Variants in NCALD observed in about 807,000 individuals in gnomAD.
NCALD encodes neurocalcin delta.
In NCALD, 10 loss-of-function variants were observed where a neutral mutation model predicts 18.6. The ratio of observed to expected loss-of-function variants is 0.54; its 90% CI spans 0.33 to 0.91. The LOEUF is 0.91. NCALD is among the 40% of genes least tolerant of loss of function. The pLI, the probability that NCALD is intolerant of heterozygous loss-of-function variation, is 0.03. For missense variants in NCALD, 184 were observed against 247.6 expected (o/e 0.74, Z 1.72); for synonymous variants, 88 against 87.4 (o/e 1.01, Z -0.04).
intron 2 of NCALD, among the ~76,000 whole-genome samples, chr8:101,711,669 C>T (rs1815800062): frequency 6.6e-6 from 1 of 151,588 alleles, no homozygotes; most frequent in Non-Finnish European, 1.5e-5. Context: ...GAAAGGGTAT[C>T]AGAGATTAAG....
intron 4 of NCALD, among the ~76,000 whole-genome samples, chr8:101,864,625 CCTTTTCTTGCCCAGG>C (rs1815688960): frequency 7.1e-6 from 1 of 141,300 alleles, no homozygotes; most frequent in Admixed American, 7.5e-5. Flanking sequence ...ACGGAGTTTC[CCTTTTCTTGCCCAGG>C]CTGGAGTGCA....
intron 2 of NCALD, among the ~76,000 whole-genome samples, chr8:101,941,532 C>T (rs1818956611): frequency 6.6e-6 from 1 of 152,220 alleles, no homozygotes; most frequent in South Asian, 2.1e-4. Context: ...AACATTCATT[C>T]ATTCACTATA....
At chr8:101,924,809 TCTA>T (rs1818281567) in intron 2 of NCALD, among the ~76,000 whole-genome samples, 1 of 152,246 alleles carries the variant, frequency 6.6e-6, no homozygotes, top group South Asian at 2.1e-4. Flanking sequence ...TGTCTTGTTG[TCTA>T]CTTTTAGATT....
At chr8:101,705,721 T>C (rs1401638202) in intron 2 of NCALD, among the ~76,000 whole-genome samples, 1 of 152,138 alleles carries the variant, frequency 6.6e-6, no homozygotes, top group Non-Finnish European at 1.5e-5. Flanking sequence ...GTGAGGAGTC[T>C]GGCCACCCCA....
intron 1 of NCALD, among the ~76,000 whole-genome samples, chr8:101,761,965 G>T (rs1486743437): frequency 6.6e-6 from 1 of 152,186 alleles, no homozygotes; most frequent in Non-Finnish European, 1.5e-5. Flanking sequence ...ACATAGTAGG[G>T]AATGGTGGAG....
chr8:101,705,632 A>G (rs975178516), intron 2 of NCALD, among the ~76,000 whole-genome samples: 3 of 152,156 alleles, frequency 2.0e-5, no homozygotes, highest in East Asian at 1.9e-4. Flanking sequence ...TGACCTCCAA[A>G]GTCAGATCAT....
Position 101,689,744 on chromosome 8 carries a change from T to C in NCALD, c.485-338A>G, listed in dbSNP as rs7010161. Among the ~76,000 whole-genome samples, 33,589 of 152,130 alleles carry C rather than the reference T, an allele frequency of 0.22. 4,127 individuals are homozygous for C. Among genetic ancestry groups the C allele is most frequent in the Middle Eastern group, 0.33 (97 of 294 alleles). On this transcript the variant is annotated intron_variant, in intron 3 of 3. Coordinates refer to ENST00000220931, the MANE Select transcript of NCALD (RefSeq NM_032041.3). The surrounding 1 kb of genome is among the most constrained non-coding windows in gnomAD (Gnocchi z 4.4). ...CCTGACCTCCTGGCTCCAGGCGCCC[T>C]GGAGAGGCTCACTCAGCATTTGTAA... is the stretch of plus-strand genomic sequence containing the variant.
At chr8:102,001,758 T>C (rs1170552015) in intron 2 of NCALD, among the ~76,000 whole-genome samples, 1 of 152,168 alleles carries the variant, frequency 6.6e-6, no homozygotes, top group Non-Finnish European at 1.5e-5. Context: ...AACCCAGAAT[T>C]TCATATCCAG....
chr8:101,778,872 CT>C, intron 1 of NCALD, among the ~76,000 whole-genome samples: 1 of 152,096 alleles, frequency 6.6e-6, no homozygotes, highest in East Asian at 1.9e-4. Context: ...TTTAAAAAAC[CT>C]GAAGAGGAAT....
intron 1 of NCALD, among the ~76,000 whole-genome samples, chr8:102,089,335 A>G (rs774551561): frequency 1.3e-5 from 2 of 151,996 alleles, no homozygotes; most frequent in Non-Finnish European, 2.9e-5. Context: ...CGGAGCTTGC[A>G]GTGAGCTGAG....
intron 4 of NCALD, among the ~76,000 whole-genome samples, chr8:101,855,292 C>T (rs1007575405): frequency 6.6e-6 from 1 of 152,110 alleles, no homozygotes; most frequent in East Asian, 1.9e-4. Flanking sequence ...GAGTTGTGAG[C>T]AGAAGTGATA....
intron 1 of NCALD, among the ~76,000 whole-genome samples, chr8:102,097,418 C>T (rs775826460): frequency 3.9e-5 from 6 of 152,226 alleles, no homozygotes; most frequent in Non-Finnish European, 5.9e-5. Flanking sequence ...CAGTTCCAAC[C>T]ACGCGGGTGC....
At chr8:101,807,657 A>AG (rs1813153891) in intron 4 of NCALD, among the ~76,000 whole-genome samples, 2 of 152,194 alleles carry the variant, frequency 1.3e-5, no homozygotes, top group Non-Finnish European at 2.9e-5. Flanking sequence ...AGGCACATAC[A>AG]AACTGTTAGA....
At chr8:102,106,646 C>T (rs1195922370) in intron 1 of NCALD, among the ~76,000 whole-genome samples, 1 of 152,126 alleles carries the variant, frequency 6.6e-6, no homozygotes, top group Non-Finnish European at 1.5e-5. Context: ...ACATGACAGC[C>T]TCTAAGAGTT....
intron 1 of NCALD, among the ~76,000 whole-genome samples, chr8:102,074,665 G>T (rs577810457): frequency 2.6e-5 from 4 of 152,110 alleles, no homozygotes; most frequent in Non-Finnish European, 5.9e-5. Context: ...TCTCACGTCG[G>T]TTCCACAGGA....
intron 3 of NCALD, chr8:101,691,048 A>G: frequency 1.0e-6 from 1 of 985,424 alleles, no homozygotes. Context: ...AGATTCCAAG[A>G]GCAACAGGCA....
chr8:101,925,418 T>C (rs1206445935), intron 2 of NCALD, among the ~76,000 whole-genome samples: 3 of 151,840 alleles, frequency 2.0e-5, no homozygotes, highest in Admixed American at 6.6e-5. Context: ...AGTAAAAATA[T>C]AGTAATAAAA....
At chr8:102,085,223 G>C (rs1301191221) in intron 1 of NCALD, among the ~76,000 whole-genome samples, 1 of 152,082 alleles carries the variant, frequency 6.6e-6, no homozygotes, top group Non-Finnish European at 1.5e-5. Context: ...ATATTTAGCA[G>C]AACTCTGCCA....
At chr8:101,832,536 C>T (rs1814233319) in intron 4 of NCALD, among the ~76,000 whole-genome samples, 1 of 152,196 alleles carries the variant, frequency 6.6e-6, no homozygotes, top group South Asian at 2.1e-4. Flanking sequence ...GCATGGCTGA[C>T]TAATTCTGTT....
Sources: gnomAD v4.1 joint callset for allele counts (sites outside exome capture counted in the v4.1 genomes callset) on GRCh38, gnomAD v4.1.1 for gene constraint, Gnocchi (gnomAD v3.1) non-coding constraint, MANE v1.5 for transcripts, NCBI Gene and HGNC (gene_info 2026-07-23, HGNC 2026-07-21) for gene names.